Variants in FASTK observed in about 807,000 individuals in gnomAD.
The protein encoded by FASTK is fas-activated serine/threonine kinase.
A neutral mutation model predicts 60.0 loss-of-function variants in FASTK; 28 were observed. That is an observed-to-expected ratio of 0.47 (90% confidence interval 0.35 to 0.64). The LOEUF is 0.64. Ranked by LOEUF, FASTK falls within the 30% of genes least tolerant of loss-of-function variation. The pLI is 0.01. For missense variants in FASTK, 595 were observed against 713.8 expected (o/e 0.83, Z 1.90); for synonymous variants, 325 against 307.9 (o/e 1.06, Z -0.58).
rs764343289 is a variant in FASTK at position 151,077,887 on chromosome 7, T to C, written c.1031A>G (p.Tyr344Cys). The C allele has an allele frequency of 6.2e-7, 1 of 1,613,162 alleles. No individual in the cohort carries two copies. The highest frequency in any genetic ancestry group is 1.3e-5 in the African/African-American group (1 of 74,900). The change falls in exon 5 of 10, where the codon TAC becomes TGC. Residue 344 changes from tyrosine (Y) to cysteine (C), a missense_variant. Around this residue, in one of 2 missense-constraint regions of FASTK, gnomAD observed 471 missense variants for 605.9 expected, o/e 0.78. Coordinates refer to ENST00000297532, the MANE Select transcript of FASTK (RefSeq NM_006712.5). ...HFVFSPGFIN[Y>C]ISGTPHALIV... is the part of the protein sequence containing the mutation. ...CCATCCTGGCTGCGTACCACTGATGTAGTTGATGAAGCCAGGGGAAAAAAC... is the reference window on the plus strand; with the variant it reads ...CCATCCTGGCTGCGTACCACTGATGCAGTTGATGAAGCCAGGGGAAAAAAC...
chr7:151,078,142 A>G (rs779995520), intron 4 of FASTK, 50 bp from the exon 5 acceptor site: 10 of 1,392,704 alleles, frequency 7.2e-6, no homozygotes, highest in Non-Finnish European at 8.9e-6. Context: ...TTCTGCAGTC[A>G]TCTTTTACAA....
At chr7:151,080,283 T>A (rs147189244) in intron 1 of FASTK, 6,312 of 359,386 alleles carry the variant, frequency 0.018, 94 homozygotes, top group Middle Eastern at 0.032. Flanking sequence ...ATTAACCGGG[T>A]TAGTGGTCGC....
At chr7:151,080,336 A>G in intron 1 of FASTK, 1 of 580,086 alleles carries the variant, frequency 1.7e-6, no homozygotes, top group Non-Finnish European at 2.5e-6. Flanking sequence ...CACTCTCCCG[A>G]CCACCTCCCT....
chr7:151,080,122 G>GCGCA, intron 1 of FASTK, 200 bp from the exon 2 acceptor site: 3 of 578,582 alleles, frequency 5.2e-6, no homozygotes, highest in Non-Finnish European at 9.2e-6. Flanking sequence ...AGTGCGCTCA[G>GCGCA]CGCAGCACTA....
Position 151,077,035 on chromosome 7 carries a change from G to A in FASTK, c.1428-8C>T. 6.2e-7 allele frequency: 1 copy of A among 1,612,372 alleles called. No individual in the cohort carries two copies. Among genetic ancestry groups the A allele is most frequent in the Non-Finnish European group, 8.5e-7 (1 of 1,179,452 alleles). On this transcript the variant is annotated splice_polypyrimidine_tract_variant and splice_region_variant and intron_variant, in intron 8 of 9. Transcript: ENST00000297532. ...CGCAACACCAGCACCACCCTGCAGG[G>A]GGAGGGACGTGGCTCAGGGCATGGC... is the stretch of plus-strand genomic sequence containing the variant.
In FASTK at chr7:151,078,030, A is replaced by C. The variant is rs1797766200; in HGVS notation, c.888T>G (p.Phe296Leu). Residue 296 changes from phenylalanine (F) to leucine (L), a missense_variant, in exon 5 of 10, where the codon TTT (phenylalanine) becomes TTG (leucine). By Grantham distance (22) the Phe-to-Leu change is conservative. Around this residue, in one of 2 missense-constraint regions of FASTK, gnomAD observed 471 missense variants for 605.9 expected, o/e 0.78. Coordinates refer to ENST00000297532, the MANE Select transcript of FASTK (RefSeq NM_006712.5). ...CCAGGATCCTCTCAAGGCAGGGCAT[A>C]AACTGCTGTTCCAGGGGCAGGTAGT... The part of the protein sequence containing the change: ...RLNYLPLEQQ[F>L]MPCLERILAR... 2 of 1,607,306 alleles carry C rather than the reference A, an allele frequency of 1.2e-6. No homozygotes were observed. The highest frequency in any genetic ancestry group is 3.3e-5 in the Admixed American group (2 of 59,898).
rs565638777 is a variant in FASTK at position 151,077,703 on chromosome 7, G to A, written c.1117C>T (p.Arg373Trp). The A allele has an allele frequency of 4.4e-6, 7 of 1,591,110 alleles. No individual in the cohort carries two copies. Among genetic ancestry groups the A allele is most frequent in the African/African-American group, 2.7e-5 (2 of 73,886 alleles). ...TAVELELPGYRGPRLPRRQQV... is the reference protein window; with the variant it reads ...TAVELELPGYWGPRLPRRQQV... ...TGCCTTCGGGGAAGGCGGGGACCCC[G>A]GTATCCTGGGAGCTCCAGCTCCACG... Residue 373 changes from arginine to tryptophan, a missense_variant, in exon 6 of 10, where the codon CGG becomes TGG. Physicochemically the swap from Arg to Trp is moderately radical, Grantham distance 101. Transcript: ENST00000297532.
chr7:151,077,344 G>A lies in FASTK; in HGVS notation c.1257C>T (p.Arg419=). 1.2e-6 allele frequency: 2 copies of A among 1,613,016 alleles called. No individual in the cohort carries two copies. The highest frequency in any genetic ancestry group is 2.2e-5 in the South Asian group (2 of 91,084). The change falls in exon 7 of 10, where the codon CGC becomes CGT. Residue 419 remains arginine, a synonymous_variant. Coordinates refer to ENST00000297532, the MANE Select transcript of FASTK (RefSeq NM_006712.5). The stretch of plus-strand genomic sequence containing the variant: ...AGCCTGGAGGCACAGTCAGGTCCTG[G>A]CGGTATTTCTCCTCCCCCAGCAGCT... ...LRQLLGEEKY[R]QDLTVPPGYC... is the part of the protein sequence containing the mutation.
chr7:151,080,500 C>T, intron 1 of FASTK, 185 bp downstream of exon 1: 1 of 1,287,652 alleles, frequency 7.8e-7, no homozygotes, highest in Non-Finnish European at 9.8e-7. Flanking sequence ...GAAATGAAAA[C>T]GCAGCGCCCA....
chr7:151,080,698 C>T lies in FASTK; in HGVS notation c.69G>A (p.Gly23=). 1 of 1,410,756 alleles carries T rather than the reference C, an allele frequency of 7.1e-7. No homozygotes were observed. The allele number at this position is 1,410,756 out of a possible 1,614,324, so 87.4% of individuals were successfully genotyped here. The change falls in exon 1 of 10, where the codon GGG becomes GGA. Residue 23 remains glycine (G), a synonymous_variant. Coordinates refer to ENST00000297532, the MANE Select transcript of FASTK (RefSeq NM_006712.5). ...PRPTEGATCA[G]PGESWSPSPN... ...CGCCACCCCTACATGACTCCCCGGG[C>T]CCTGCGCAGGTCGCTCCCTCAGTCG... is the stretch of plus-strand genomic sequence containing the variant.
chr7:151,076,734 TTCAGGCCCCCAGC>T lies in FASTK; in HGVS notation c.1628_1640del (p.Arg543GlnfsTer32). The T allele has an allele frequency of 1.3e-6, 2 of 1,593,280 alleles. No individual in the cohort carries two copies. The highest frequency in any genetic ancestry group is 8.6e-7 in the Non-Finnish European group (1 of 1,168,774). On this transcript the variant is annotated frameshift_variant, in exon 10 of 10. Transcript: ENST00000297532. LOFTEE classifies it high-confidence loss of function. ...ACCCCACATCAACCCCTCAGCCCCC[TTCAGGCCCCCAGC>T]GCAGGCCCAGGGCCTGGAGCTTCTG...
At chr7:151,078,523 A>G in intron 4 of FASTK, 39 bp downstream of exon 4, 1 of 1,604,922 alleles carries the variant, frequency 6.2e-7, no homozygotes, top group Non-Finnish European at 8.5e-7. Flanking sequence ...GGTCCCTGAG[A>G]ATGACAGAGA....
At chr7:151,077,454 T>C in intron 6 of FASTK, 53 bp from the exon 7 acceptor site, 10 of 1,579,644 alleles carry the variant, frequency 6.3e-6, no homozygotes, top group Non-Finnish European at 8.7e-6. Flanking sequence ...CATCCTAATC[T>C]GTCCCAGTCT....
At chr7:151,080,354 A>G in intron 1 of FASTK, 1 of 707,122 alleles carries the variant, frequency 1.4e-6, no homozygotes, top group African/African-American at 1.9e-5. Context: ...CCTCTCCCAC[A>G]GGAGGCGGCG....
In FASTK at chr7:151,079,933, G is replaced by T. The variant is rs770946388; in HGVS notation, c.83-11C>A. ...TGGGTGATGGAGACCCTGAGGGGCA[G>T]CCCAAAAAAGGGGGTGAGGTTTTCT... On this transcript the variant is annotated splice_polypyrimidine_tract_variant and intron_variant, in intron 1 of 9. Transcript: ENST00000297532. 21 of 1,559,558 alleles carry T rather than the reference G, an allele frequency of 1.3e-5. No homozygotes were observed. The South Asian group carries it at 2.3e-4, about 17-fold the overall frequency.
intron 4 of FASTK, 91 bp downstream of exon 4, chr7:151,078,471 G>GGAAAAGGATAGCC: frequency 6.9e-7 from 1 of 1,442,968 alleles, no homozygotes; most frequent in Non-Finnish European, 9.5e-7. Context: ...GTCTGCTTCA[G>GGAAAAGGATAGCC]GAAAAGGATA....
chr7:151,079,271 G>A (rs1797845909), intron 2 of FASTK: 3 of 587,538 alleles, frequency 5.1e-6, no homozygotes, highest in Middle Eastern at 4.5e-4. Flanking sequence ...ACAAATTATG[G>A]TGGCTTCCTA....
chr7:151,077,426 AG>A, intron 6 of FASTK, 25 bp from the exon 7 acceptor site: 2 of 1,606,484 alleles, frequency 1.2e-6, no homozygotes, highest in South Asian at 1.1e-5. Flanking sequence ...CACCAGTAGC[AG>A]GAAGGGCCCG....
At position 151,077,114 on chromosome 7, in the gene FASTK, C is replaced by T. The variant is rs1671015060; in HGVS notation, c.1414G>A (p.Asp472Asn). 3 of 1,610,900 alleles carry T rather than the reference C, an allele frequency of 1.9e-6. No individual in the cohort carries two copies. Among genetic ancestry groups the T allele is most frequent in the South Asian group, 1.1e-5 (1 of 90,794 alleles). ...TGCCTCCTTTACCTCTGGGCAGGGT[C>T]TCGAGTAGTGGCGCTAGAGGCAGCC... is the stretch of plus-strand genomic sequence containing the variant. ...GQAASSATTR[D>N]PAQRVVLVLR... The change falls in exon 8 of 10, where the codon GAC becomes AAC. Residue 472 changes from aspartate (D) to asparagine (N), a missense_variant. Physicochemically the swap from Asp to Asn is conservative, Grantham distance 23. Around this residue, in one of 2 missense-constraint regions of FASTK, gnomAD observed 471 missense variants for 605.9 expected, o/e 0.78. Transcript: ENST00000297532.
Sources: allele counts gnomAD v4.1 joint callset, GRCh38; gene constraint gnomAD v4.1.1; regional missense constraint gnomAD v4.1.1; transcripts MANE v1.5; gene names NCBI Gene and HGNC (gene_info 2026-07-23, HGNC 2026-07-21).